HDAC9: variants seen among roughly 807,000 people sequenced by gnomAD.
The protein encoded by HDAC9 is histone deacetylase 9.
A neutral mutation model predicts 139.4 loss-of-function variants in HDAC9; 41 were observed. The ratio of observed to expected loss-of-function variants is 0.29; its 90% CI spans 0.23 to 0.38. HDAC9 has a LOEUF of 0.38. Ranked by LOEUF, HDAC9 falls within the 10% of genes least tolerant of loss-of-function variation. The probability of loss-of-function intolerance (pLI) is 1.00; values close to 1 mark genes in which losing one functional copy is unlikely to be tolerated. For synonymous variants in HDAC9, 517 were observed against 476.2 expected (o/e 1.09, Z -1.12); for missense variants, 1,147 against 1,297.0 (o/e 0.88, Z 1.78).
At chr7:18,388,422 G>A (rs1164452238) in intron 1 of HDAC9, among the ~76,000 whole-genome samples, 4 of 152,172 alleles carry the variant, frequency 2.6e-5, no homozygotes, top group Non-Finnish European at 5.9e-5. Flanking sequence ...CAGCCTGTGA[G>A]GATAGAGGAG....
At position 18,591,623 on chromosome 7, in the gene HDAC9, C is replaced by T. The variant is rs1415323633; in HGVS notation, c.523C>T (p.His175Tyr). ...TNGKNHSVSR[H>Y]PKLWYTAAHH... ...TGGAAAAAATCATTCCGTGAGCCGC[C>T]ATCCCAAGCTCTGGTACACGTATGT... The change falls in exon 5 of 26, where the codon CAT becomes TAT. Residue 175 changes from histidine (H) to tyrosine (Y), a missense_variant. Coordinates refer to ENST00000686413, the MANE Select transcript of HDAC9 (RefSeq NM_178425.4). 3.7e-6 allele frequency: 6 copies of T among 1,613,396 alleles called. No homozygotes were observed. Among genetic ancestry groups the T allele is most frequent in the Non-Finnish European group, 4.2e-6 (5 of 1,179,596 alleles).
chr7:18,439,804 T>C (rs1791575498), intron 1 of HDAC9, among the ~76,000 whole-genome samples: 2 of 152,082 alleles, frequency 1.3e-5, no homozygotes, highest in African/African-American at 2.4e-5. Flanking sequence ...ACAAAACACA[T>C]TCAAATCTCT....
intron 1 of HDAC9, among the ~76,000 whole-genome samples, chr7:18,342,183 T>G (rs1054948398): frequency 1.3e-5 from 2 of 151,844 alleles, no homozygotes; most frequent in Non-Finnish European, 2.9e-5. Flanking sequence ...ATTCTCTGTG[T>G]TGTTTGGTGC....
At chr7:18,862,076 G>A (rs1798149640) in intron 21 of HDAC9, among the ~76,000 whole-genome samples, 1 of 152,094 alleles carries the variant, frequency 6.6e-6, no homozygotes, top group Admixed American at 6.6e-5. Context: ...CCAAAATATA[G>A]CTTATACAAA....
At chr7:18,944,789 A>T (rs967976985) in intron 23 of HDAC9, among the ~76,000 whole-genome samples, 1 of 152,140 alleles carries the variant, frequency 6.6e-6, no homozygotes, top group African/African-American at 2.4e-5. Context: ...CTTTATATCC[A>T]TGAAATCATA....
intron 2 of HDAC9, among the ~76,000 whole-genome samples, chr7:18,569,533 C>CT (rs1180724302): frequency 6.6e-6 from 1 of 152,138 alleles, no homozygotes; most frequent in East Asian, 1.9e-4. Flanking sequence ...CAGAGCTGTG[C>CT]TTAAAGTATT....
chr7:18,938,039 A>AGT (rs1281518185), intron 23 of HDAC9, among the ~76,000 whole-genome samples: 27 of 152,256 alleles, frequency 1.8e-4, no homozygotes, highest in Admixed American at 1.3e-4. Flanking sequence ...TGTAAAGCAA[A>AGT]GTGTGTTTTG....
chr7:18,283,823 G>A (rs1317356058), intron 2 of HDAC9, among the ~76,000 whole-genome samples: 3 of 152,146 alleles, frequency 2.0e-5, no homozygotes, highest in Non-Finnish European at 4.4e-5. Flanking sequence ...AAAGGAAACA[G>A]GAATAAATGG....
chr7:18,180,218 AAG>A (rs1789285863), intron 2 of HDAC9, among the ~76,000 whole-genome samples: 4 of 101,876 alleles, frequency 3.9e-5, no homozygotes, highest in African/African-American at 1.7e-4. Context: ...CACCCTCCCC[AAG>A]ACACATACAC....
chr7:18,940,770 T>A (rs1403617151), intron 23 of HDAC9, among the ~76,000 whole-genome samples: 5 of 152,146 alleles, frequency 3.3e-5, no homozygotes, highest in Non-Finnish European at 7.4e-5. Context: ...AGCCAATTAG[T>A]GGCACCCCGG....
intron 2 of HDAC9, among the ~76,000 whole-genome samples, chr7:18,546,583 C>A (rs1814912788): frequency 6.6e-6 from 1 of 152,142 alleles, no homozygotes; most frequent in Non-Finnish European, 1.5e-5. Context: ...GACTTTAACA[C>A]CTAGGATGAA....
intron 6 of HDAC9, among the ~76,000 whole-genome samples, chr7:18,628,475 A>G (rs962428662): frequency 6.6e-6 from 1 of 152,202 alleles, no homozygotes; most frequent in African/African-American, 2.4e-5. Context: ...CCTTTTCATG[A>G]TGATCATTAC....
intron 17 of HDAC9, among the ~76,000 whole-genome samples, chr7:18,821,440 G>T (rs1794960985): frequency 6.6e-6 from 1 of 152,182 alleles, no homozygotes; most frequent in South Asian, 2.1e-4. Flanking sequence ...ATCCCACATA[G>T]AACTAGGAGC....
intron 2 of HDAC9, among the ~76,000 whole-genome samples, chr7:18,508,308 C>T (rs765488634): frequency 6.6e-6 from 1 of 152,082 alleles, no homozygotes; most frequent in Non-Finnish European, 1.5e-5. Flanking sequence ...GTAGATTTTC[C>T]TTCAACGTTT....
chr7:18,584,499 A>G (rs1329701589), intron 2 of HDAC9, among the ~76,000 whole-genome samples: 1 of 152,192 alleles, frequency 6.6e-6, no homozygotes. Flanking sequence ...TTTAATTTGT[A>G]TAAATTTAAA....
At chr7:18,432,946 G>A (rs1241473552) in intron 1 of HDAC9, among the ~76,000 whole-genome samples, 2 of 144,488 alleles carry the variant, frequency 1.4e-5, no homozygotes, top group Non-Finnish European at 3.0e-5. Context: ...ATGAGACTCT[G>A]TCTTAAAAAA....
At chr7:18,270,955 CA>C (rs1562818550) in intron 2 of HDAC9, among the ~76,000 whole-genome samples, 1 of 151,950 alleles carries the variant, frequency 6.6e-6, no homozygotes, top group African/African-American at 2.4e-5. Context: ...TGTTAATTTG[CA>C]AAAATAAATT....
At chr7:18,328,097 T>C (rs1800610758) in intron 1 of HDAC9, among the ~76,000 whole-genome samples, 1 of 152,136 alleles carries the variant, frequency 6.6e-6, no homozygotes, top group African/African-American at 2.4e-5. Context: ...TGGAGTTCAT[T>C]ACAATAAAAT....
chr7:18,457,929 CA>C (rs938541572), intron 1 of HDAC9, among the ~76,000 whole-genome samples: 31 of 152,144 alleles, frequency 2.0e-4, no homozygotes, highest in African/African-American at 6.3e-4. Context: ...CACGTGTATG[CA>C]AATGCACACA....
Sources: allele counts gnomAD v4.1 joint callset (sites outside exome capture counted in the v4.1 genomes callset), GRCh38; gene constraint gnomAD v4.1.1; transcripts MANE v1.5; gene names NCBI Gene and HGNC (gene_info 2026-07-23, HGNC 2026-07-21).